PCDHGA10: variants seen among roughly 807,000 people sequenced by gnomAD.
PCDHGA10 encodes the protein protocadherin gamma-A10.
Under a neutral mutation model 59.5 loss-of-function variants are expected in PCDHGA10, and 42 were observed. The observed-to-expected ratio is 0.71, with a 90% CI of 0.55 to 0.91. The LOEUF (loss-of-function observed/expected upper bound fraction) is 0.91. PCDHGA10 is among the 40% of genes least tolerant of loss of function. The probability of loss-of-function intolerance (pLI) is 0.00; values close to 1 mark genes in which losing one functional copy is unlikely to be tolerated. For missense variants in PCDHGA10, 1,111 were observed against 1,198.2 expected (o/e 0.93, Z 1.07); for synonymous variants, 511 against 517.2 (o/e 0.99, Z 0.16).
chr5:141,438,983 T>C (rs1296267457), intron 1 of PCDHGA10, among the ~76,000 whole-genome samples: 1 of 151,930 alleles, frequency 6.6e-6, no homozygotes, highest in Non-Finnish European at 1.5e-5. Context: ...TGACTTATCT[T>C]AAAAGGCTAA....
chr5:141,428,167 G>GCGTGA (rs746443726), intron 1 of PCDHGA10: 3 of 1,548,998 alleles, frequency 1.9e-6, no homozygotes, highest in South Asian at 1.1e-5. Context: ...TGGTTGCTGT[G>GCGTGA]CGTGACGGAG....
chr5:141,501,621 A>T (rs1348614977), intron 2 of PCDHGA10, among the ~76,000 whole-genome samples: 1 of 152,100 alleles, frequency 6.6e-6, no homozygotes, highest in Non-Finnish European at 1.5e-5. Context: ...ACTCTGGTAT[A>T]GTCTCTCAAC....
intron 1 of PCDHGA10, 96 bp from the exon 2 acceptor site, chr5:141,494,711 A>G (rs757105958): frequency 6.3e-7 from 1 of 1,599,616 alleles, no homozygotes; most frequent in Non-Finnish European, 8.5e-7. Flanking sequence ...CTCTGTGCCC[A>G]CTCCCCTCCT....
Position 141,489,956 on chromosome 5 carries a change from C to CTCCAACCT in PCDHGA10, c.2437-4845_2437-4838dup, listed in dbSNP as rs1176419823. Reference sequence around the variant, plus strand: ...ATCGTGCTGGACATCAATGATAATGCTCCAACCTTCCAATCCTCAGTTCTA... The same window carrying CTCCAACCT: ...ATCGTGCTGGACATCAATGATAATGCTCCAACCTTCCAACCTTCCAATCCTCAGTTCTA... On this transcript the variant is annotated intron_variant, in intron 1 of 3. Coordinates refer to ENST00000398610, the MANE Select transcript of PCDHGA10 (RefSeq NM_018913.3). The surrounding 1 kb of genome is among the most constrained non-coding windows in gnomAD (Gnocchi z 4.5). 16 of 1,614,012 alleles carry CTCCAACCT rather than the reference C, an allele frequency of 9.9e-6. No individual in the cohort carries two copies. The highest frequency in any genetic ancestry group is 1.4e-5 in the Non-Finnish European group (16 of 1,179,974).
chr5:141,479,466 C>G (rs1004384273), intron 1 of PCDHGA10: 1 of 152,224 alleles, frequency 6.6e-6, no homozygotes, highest in Non-Finnish European at 1.5e-5. Flanking sequence ...AATACAGTGA[C>G]CTCTTGGGAG....
At chr5:141,433,034 C>T in intron 1 of PCDHGA10, 1 of 1,614,184 alleles carries the variant, frequency 6.2e-7, no homozygotes. Flanking sequence ...CGAGGTTTCC[C>T]TCACCACGGA....
chr5:141,420,246 T>C (rs1216078492), intron 1 of PCDHGA10: 3 of 1,583,234 alleles, frequency 1.9e-6, no homozygotes, highest in African/African-American at 2.7e-5. Context: ...ACTCCCAGCG[T>C]TGAAGCAGAT....
At chr5:141,441,340 C>T (rs2098240395) in intron 1 of PCDHGA10, 1 of 152,330 alleles carries the variant, frequency 6.6e-6, no homozygotes, top group Non-Finnish European at 1.5e-5. Flanking sequence ...CAATAATTAA[C>T]TACATGCTTG....
intron 1 of PCDHGA10, among the ~76,000 whole-genome samples, chr5:141,462,223 G>A (rs563764515): frequency 2.0e-5 from 3 of 152,144 alleles, no homozygotes; most frequent in Admixed American, 2.0e-4. Flanking sequence ...GCCTCCCAAA[G>A]TGCAGGGATT....
intron 1 of PCDHGA10, chr5:141,427,206 G>C (rs1224325038): frequency 1.1e-5 from 5 of 456,606 alleles, no homozygotes; most frequent in Admixed American, 2.3e-5. Context: ...AATAGACTTC[G>C]AATTTCGTAG....
In PCDHGA10 at chr5:141,414,204, T is replaced by C. The variant is rs748616910; in HGVS notation, c.1029T>C (p.Asp343=). The C allele has an allele frequency of 1.2e-6, 2 of 1,612,266 alleles. No individual in the cohort carries two copies. Among genetic ancestry groups the C allele is most frequent in the East Asian group, 2.2e-5 (1 of 44,818 alleles). ...ATAKVLITVE[D]VNDNSPELTI... is the part of the protein sequence containing the mutation. ...CAAAAGTGTTGATTACAGTAGAAGA[T>C]GTAAATGACAACAGTCCAGAGCTGA... The change falls in exon 1 of 4, where the codon GAT becomes GAC. Residue 343 remains aspartate (D), a synonymous_variant. Transcript: ENST00000398610.
At chr5:141,417,890 G>GCCGGC (rs2096180101) in intron 1 of PCDHGA10, 1 of 1,568,496 alleles carries the variant, frequency 6.4e-7, no homozygotes, top group Non-Finnish European at 8.6e-7. Context: ...GAGGCGCCGG[G>GCCGGC]CCGGCCCGCG....
intron 1 of PCDHGA10, among the ~76,000 whole-genome samples, chr5:141,492,824 C>T (rs1027583244): frequency 4.6e-5 from 7 of 152,236 alleles, no homozygotes. Context: ...ACCAGCGGCC[C>T]CTTCCTCCCG....
rs1248191692 is a variant in PCDHGA10, at chr5:141,419,519, G to T, written c.2436+3908G>T. The T allele has an allele frequency of 1.9e-6, 3 of 1,612,180 alleles. No homozygotes were observed. Among genetic ancestry groups the T allele is most frequent in the Non-Finnish European group, 1.7e-6 (2 of 1,179,504 alleles). ...TGTGAGCCTGCGCGTGTTGGTGGGC[G>T]ACCGTAACGACAACGCACCGCGGGT... On this transcript the variant is annotated intron_variant, in intron 1 of 3. Coordinates refer to ENST00000398610, the MANE Select transcript of PCDHGA10 (RefSeq NM_018913.3).
In PCDHGA10 at chr5:141,486,444, T is replaced by C. The variant is rs769032995; in HGVS notation, c.2437-8363T>C. 2 of 1,614,086 alleles carry C rather than the reference T, an allele frequency of 1.2e-6. No individual in the cohort carries two copies. On this transcript the variant is annotated intron_variant, in intron 1 of 3. Transcript: ENST00000398610. This position sits in a 1 kb window ranked among gnomAD's most constrained non-coding sequence, Gnocchi z 5.0. ...GAGGCCAAATCTAGCTATGACATCA[T>C]GGTCACTGCTTCTGATGCTGGGAAC...
At chr5:141,446,595 GCCTCC>G (rs2098508132) in intron 1 of PCDHGA10, among the ~76,000 whole-genome samples, 2 of 152,012 alleles carry the variant, frequency 1.3e-5, no homozygotes, top group South Asian at 4.1e-4. Context: ...TTCTGCCTCA[GCCTCC>G]TGAGTAGCTG....
Position 141,491,287 on chromosome 5 carries a change from C to T in PCDHGA10, c.2437-3520C>T, listed in dbSNP as rs1562145447. 2 of 1,614,030 alleles carry T rather than the reference C, an allele frequency of 1.2e-6. No homozygotes were observed. Among genetic ancestry groups the T allele is most frequent in the Admixed American group, 1.7e-5 (1 of 60,032 alleles). On this transcript the variant is annotated intron_variant, in intron 1 of 3. Coordinates refer to ENST00000398610, the MANE Select transcript of PCDHGA10 (RefSeq NM_018913.3). The surrounding 1 kb of genome is among the most constrained non-coding windows in gnomAD (Gnocchi z 6.9). ...GCCCAAATCCAGTGACTTCCTCATA[C>T]ACCCTCCTGAGCGTTCAGACCTTAC... is the stretch of plus-strand genomic sequence containing the variant.
In PCDHGA10 at chr5:141,494,849, A is replaced by C; in HGVS notation, c.2479A>C (p.Arg827=). ...NTDWRFSQAQ[R]PGTSGSQNGD... ...GGACTGGCGTTTCTCTCAGGCCCAG[A>C]GACCCGGCACCAGCGGGTAGGTGAC... Residue 827 remains arginine, a synonymous_variant, in exon 2 of 4, where the codon AGA becomes CGA. Transcript: ENST00000398610. 1 of 1,614,102 alleles carries C rather than the reference A, an allele frequency of 6.2e-7. No individual in the cohort carries two copies. Among genetic ancestry groups the C allele is most frequent in the Non-Finnish European group, 8.5e-7 (1 of 1,180,014 alleles).
chr5:141,461,778 C>CA (rs1280703059), intron 1 of PCDHGA10, among the ~76,000 whole-genome samples: 6 of 152,052 alleles, frequency 3.9e-5, no homozygotes, highest in Non-Finnish European at 7.4e-5. Context: ...CTCAGCCTCC[C>CA]AAGTAGCTGG....
Sources: gnomAD v4.1 joint callset for allele counts (sites outside exome capture counted in the v4.1 genomes callset) on GRCh38, gnomAD v4.1.1 for gene constraint, Gnocchi (gnomAD v3.1) non-coding constraint, MANE v1.5 for transcripts, NCBI Gene and HGNC (gene_info 2026-07-23, HGNC 2026-07-21) for gene names.